Variants in ITPRID1 observed in about 807,000 individuals in gnomAD.
ITPRID1 encodes the protein protein ITPRID1.
Under a neutral mutation model 95.4 loss-of-function variants are expected in ITPRID1, and 96 were observed. The ratio of observed to expected loss-of-function variants is 1.01; its 90% CI spans 0.85 to 1.19. ITPRID1 has a LOEUF of 1.19. Among genes scored for constraint, ITPRID1 ranks in the 50% most tolerant of loss-of-function variants. The pLI is 0.00. For synonymous variants in ITPRID1, 510 were observed against 453.6 expected, an observed-to-expected ratio of 1.12 and a Z score of -1.58; for missense variants, 1,339 against 1,252.9, an observed-to-expected ratio of 1.07 and a Z score of -1.04.
Position 31,553,161 on chromosome 7 carries a change from G to A in ITPRID1, c.137G>A (p.Ser46Asn). The change falls in exon 3 of 15, where the codon AGC (serine) becomes AAC (asparagine). Residue 46 changes from serine (S) to asparagine (N), a missense_variant. By Grantham distance (46) the Ser-to-Asn change is conservative (BLOSUM62 1). Coordinates refer to ENST00000615280, the MANE Select transcript of ITPRID1 (RefSeq NM_001257967.3). ...EWLPPDPEEE[S>N]QSLTIPMLED... ...CTGCCCCCTGACCCTGAGGAGGAAAGCCAGAGTCTCACCATCCCCATGCTG... is the reference window on the plus strand; with the variant it reads ...CTGCCCCCTGACCCTGAGGAGGAAAACCAGAGTCTCACCATCCCCATGCTG... The A allele has an allele frequency of 6.3e-7, 1 of 1,586,428 alleles. No homozygotes were observed. Among genetic ancestry groups the A allele is most frequent in the Non-Finnish European group, 8.6e-7 (1 of 1,165,144 alleles).
chr7:31,625,908 A>T (rs1788425785), intron 10 of ITPRID1, among the ~76,000 whole-genome samples: 1 of 152,214 alleles, frequency 6.6e-6, no homozygotes, highest in African/African-American at 2.4e-5. Flanking sequence ...TGTATTTCAG[A>T]TACAGGTACA....
At chr7:31,620,982 C>T (rs372367186) in intron 10 of ITPRID1, among the ~76,000 whole-genome samples, 11,295 of 151,346 alleles carry the variant, frequency 0.075, 765 homozygotes, top group African/African-American at 0.18. Context: ...GGAGCCAATG[C>T]GATCAACTGG....
chr7:31,534,063 G>A (rs1481458237), intron 1 of ITPRID1, among the ~76,000 whole-genome samples: 1 of 152,178 alleles, frequency 6.6e-6, no homozygotes, highest in African/African-American at 2.4e-5. Flanking sequence ...CTGCACATGC[G>A]AGGGATCTAG....
chr7:31,612,661 C>A (rs1049398265), intron 10 of ITPRID1, among the ~76,000 whole-genome samples: 2 of 152,128 alleles, frequency 1.3e-5, no homozygotes, highest in African/African-American at 4.8e-5. Flanking sequence ...GTCTACCACC[C>A]TTTTCTGAAG....
chr7:31,628,026 G>A (rs1015195980), intron 10 of ITPRID1, among the ~76,000 whole-genome samples: 6 of 152,138 alleles, frequency 3.9e-5, no homozygotes, highest in Non-Finnish European at 5.9e-5. Context: ...GTTAATAAGA[G>A]CAGAAAGTCT....
chr7:31,542,099 G>A (rs10241003), intron 1 of ITPRID1, among the ~76,000 whole-genome samples: 88,430 of 152,040 alleles, frequency 0.58, 26,810 homozygotes, highest in Middle Eastern at 0.71. Context: ...CCAAAAGTAT[G>A]TGTAAATTGT....
intron 10 of ITPRID1, among the ~76,000 whole-genome samples, chr7:31,623,497 C>G (rs1207154477): frequency 1.3e-5 from 2 of 151,056 alleles, no homozygotes; most frequent in Non-Finnish European, 2.9e-5. Flanking sequence ...GAACCAAAGA[C>G]AAAAATGACA....
At chr7:31,577,675 T>C (rs1785233755) in intron 8 of ITPRID1, among the ~76,000 whole-genome samples, 188 bp from the exon 9 acceptor site, 1 of 152,174 alleles carries the variant, frequency 6.6e-6, no homozygotes, top group Non-Finnish European at 1.5e-5. Flanking sequence ...CAGCAAAATC[T>C]CATTACGTAG....
intron 10 of ITPRID1, among the ~76,000 whole-genome samples, chr7:31,602,120 AC>A (rs1376925454): frequency 1.3e-5 from 2 of 152,186 alleles, no homozygotes; most frequent in African/African-American, 4.8e-5. Flanking sequence ...CGAACGACTT[AC>A]ACAGAAAGCA....
At chr7:31,612,147 T>C (rs1786896999) in intron 10 of ITPRID1, among the ~76,000 whole-genome samples, 1 of 152,078 alleles carries the variant, frequency 6.6e-6, no homozygotes, top group Admixed American at 6.6e-5. Flanking sequence ...CTGTACTGAA[T>C]GTTTTATTTA....
chr7:31,553,289 T>G (rs1330575661), intron 3 of ITPRID1, 102 bp downstream of exon 3: 1 of 1,099,672 alleles, frequency 9.1e-7, no homozygotes, highest in Admixed American at 2.7e-5. Context: ...CAAAAGTATT[T>G]GGCTTTGAAT....
intron 10 of ITPRID1, among the ~76,000 whole-genome samples, chr7:31,609,654 A>G (rs1297165250): frequency 6.6e-6 from 1 of 151,484 alleles, no homozygotes; most frequent in Non-Finnish European, 1.5e-5. Flanking sequence ...TTTCATTCAT[A>G]ATTTATTAAC....
At chr7:31,620,501 G>A (rs1293136605) in intron 10 of ITPRID1, among the ~76,000 whole-genome samples, 1 of 151,254 alleles carries the variant, frequency 6.6e-6, no homozygotes, top group East Asian at 1.9e-4. Context: ...GGCAAACAGG[G>A]TCTGGAGTGG....
rs1435882516 is a variant in ITPRID1, at chr7:31,599,865, T to A, written c.1228+16674T>A. On this transcript the variant is annotated intron_variant, in intron 10 of 14. Transcript: ENST00000615280. ...CGCCTGCCACCACGCCCGGCTAAGTTTTTTTTGTATTTTTAGTGGAGACGG... is the reference window on the plus strand; with the variant it reads ...CGCCTGCCACCACGCCCGGCTAAGTATTTTTTGTATTTTTAGTGGAGACGG... 2.0e-5 allele frequency among the ~76,000 whole-genome samples: 3 copies of A among 151,642 alleles called. 1 individual carries two copies. The highest frequency in any genetic ancestry group is 4.8e-5 in the African/African-American group (2 of 41,248).
At chr7:31,548,590 G>A (rs1784177520) in intron 1 of ITPRID1, among the ~76,000 whole-genome samples, 1 of 152,080 alleles carries the variant, frequency 6.6e-6, no homozygotes, top group African/African-American at 2.4e-5. Context: ...GAGGGCACAA[G>A]TGTTGGGAGA....
chr7:31,535,002 G>A (rs1388306645), intron 1 of ITPRID1, among the ~76,000 whole-genome samples: 2 of 151,866 alleles, frequency 1.3e-5, no homozygotes, highest in Non-Finnish European at 2.9e-5. Context: ...TACAATGATG[G>A]AAACATTCCA....
At chr7:31,628,037 T>A (rs1056355828) in intron 10 of ITPRID1, among the ~76,000 whole-genome samples, 7 of 152,144 alleles carry the variant, frequency 4.6e-5, no homozygotes, top group Non-Finnish European at 1.5e-5. Context: ...CAGAAAGTCT[T>A]TGTCACCCCA....
rs62448764 is a variant in ITPRID1 at position 31,598,604 on chromosome 7, C to T, written c.1228+15413C>T. ...ATTTTTAGTAGGGACGGGGTTTCAC[C>T]GTGTTAGCCAGGATGGTCTCTATCT... On this transcript the variant is annotated intron_variant, in intron 10 of 14. Coordinates refer to ENST00000615280, the MANE Select transcript of ITPRID1 (RefSeq NM_001257967.3). 2.8e-3 allele frequency among the ~76,000 whole-genome samples: 428 copies of T among 151,828 alleles called. 2 individuals carry two copies. Among genetic ancestry groups the T allele is most frequent in the African/African-American group, 9.3e-3 (386 of 41,434 alleles).
At chr7:31,575,211 G>A (rs181904996) in intron 8 of ITPRID1, among the ~76,000 whole-genome samples, 10 of 152,238 alleles carry the variant, frequency 6.6e-5, no homozygotes, top group East Asian at 3.9e-4. Flanking sequence ...AATATGTACC[G>A]TAGCCACACA....
Sources: gnomAD v4.1 joint callset for allele counts (sites outside exome capture counted in the v4.1 genomes callset) on GRCh38, gnomAD v4.1.1 for gene constraint, MANE v1.5 for transcripts, NCBI Gene and HGNC (gene_info 2026-07-23, HGNC 2026-07-21) for gene names.